The following NRG3 variants were observed in gnomAD, a reference collection of about 807,000 sequenced individuals.
NRG3 encodes neuregulin 3, also known as pro-neuregulin-3, membrane-bound isoform.
In NRG3, 31 loss-of-function variants were observed where a neutral mutation model predicts 66.9. The observed-to-expected ratio is 0.46, with a 90% CI of 0.35 to 0.63. NRG3 has a LOEUF of 0.63. NRG3 is among the 20% of genes least tolerant of loss of function. NRG3 has a pLI of 0.00. For missense variants in NRG3, 910 were observed against 878.9 expected (o/e 1.04, Z -0.45); for synonymous variants, 393 against 359.4 (o/e 1.09, Z -1.06).
chr10:82,452,949 A>T (rs2091088183), intron 2 of NRG3, among the ~76,000 whole-genome samples: 1 of 152,064 alleles, frequency 6.6e-6, no homozygotes, highest in African/African-American at 2.4e-5. Context: ...TCCCACTTAG[A>T]TGCAAGGGGT....
rs151025353 is a variant in NRG3, at chr10:81,932,104, T to A, written c.823+55941T>A. Among the ~76,000 whole-genome samples the A allele has an allele frequency of 3.1e-3, 472 of 151,830 alleles. 10 individuals carry two copies. The highest frequency in any genetic ancestry group is 0.027 in the Admixed American group (412 of 15,222). ...TGTGGAGGTCTCAGGAAGCTAACAGTCATGGTGGAAGGAGGTGAAGCAGGA... is the reference window on the plus strand; with the variant it reads ...TGTGGAGGTCTCAGGAAGCTAACAGACATGGTGGAAGGAGGTGAAGCAGGA... On this transcript the variant is annotated intron_variant, in intron 1 of 8. Transcript: ENST00000372141.
At chr10:82,213,275 A>T (rs529975046) in intron 1 of NRG3, among the ~76,000 whole-genome samples, 1 of 152,322 alleles carries the variant, frequency 6.6e-6, no homozygotes, top group South Asian at 2.1e-4. Context: ...GTAATCTGAA[A>T]ATCTAAATCT....
chr10:81,980,650 A>G (rs1277930735), intron 1 of NRG3, among the ~76,000 whole-genome samples: 1 of 152,172 alleles, frequency 6.6e-6, no homozygotes, highest in Non-Finnish European at 1.5e-5. Context: ...CTCGAGTGCA[A>G]GCTGCTTGTG....
chr10:82,439,565 A>C (rs2090325852), intron 2 of NRG3, among the ~76,000 whole-genome samples: 1 of 152,118 alleles, frequency 6.6e-6, no homozygotes, highest in Non-Finnish European at 1.5e-5. Flanking sequence ...ATATCTGTAG[A>C]GTTTACTTTT....
At chr10:82,819,683 A>C (rs2061862921) in intron 3 of NRG3, among the ~76,000 whole-genome samples, 1 of 152,258 alleles carries the variant, frequency 6.6e-6, no homozygotes, top group Non-Finnish European at 1.5e-5. Flanking sequence ...ACCTAAAGTC[A>C]TTAGTGGTGT....
At chr10:82,223,278 A>G (rs74146520) in intron 1 of NRG3, among the ~76,000 whole-genome samples, 3,863 of 152,236 alleles carry the variant, frequency 0.025, 150 homozygotes, top group African/African-American at 0.088. Context: ...ACATGGATAA[A>G]GCTGAGATAA....
chr10:82,246,958 T>A (rs1171265372), intron 1 of NRG3, among the ~76,000 whole-genome samples: 1 of 152,114 alleles, frequency 6.6e-6, no homozygotes, highest in Non-Finnish European at 1.5e-5. Context: ...AAGTTGCAAC[T>A]GAGAAAACCT....
intron 1 of NRG3, among the ~76,000 whole-genome samples, chr10:82,269,627 C>G (rs953650576): frequency 6.6e-6 from 1 of 152,100 alleles, no homozygotes; most frequent in Admixed American, 6.6e-5. Context: ...CTACTAACTT[C>G]ATCATCTATG....
At chr10:82,958,432 T>C (rs886591973) in intron 5 of NRG3, among the ~76,000 whole-genome samples, 3 of 152,232 alleles carry the variant, frequency 2.0e-5, no homozygotes, top group Admixed American at 6.5e-5. Flanking sequence ...TTTTAATATC[T>C]GGGCTCTTGG....
chr10:81,892,904 G>A (rs937981935), intron 1 of NRG3, among the ~76,000 whole-genome samples: 1 of 152,138 alleles, frequency 6.6e-6, no homozygotes, highest in African/African-American at 2.4e-5. Flanking sequence ...CTCATTCCAT[G>A]ACTGTATCAA....
intron 2 of NRG3, among the ~76,000 whole-genome samples, chr10:82,655,936 C>A (rs1233432753): frequency 6.6e-6 from 1 of 152,058 alleles, no homozygotes. Context: ...CACATATGAC[C>A]TTGTATTAGT....
intron 1 of NRG3, among the ~76,000 whole-genome samples, chr10:82,342,853 CA>C (rs1178994583): frequency 2.6e-5 from 4 of 152,118 alleles, no homozygotes; most frequent in Non-Finnish European, 5.9e-5. Context: ...GGCCAGTGTT[CA>C]GTAAAGTTTT....
rs535445645 is a variant in NRG3 at position 82,798,966 on chromosome 10, G to A, written c.1027+60316G>A. 9.2e-5 allele frequency among the ~76,000 whole-genome samples: 14 copies of A among 152,198 alleles called. No homozygotes were observed. In the South Asian group the frequency reaches 2.7e-3, roughly 29 times the overall value. ...TCACACAGAGGCTCTGCAGGTGACT[G>A]GGAGATACTCAAGGTTCATAGGATA... On this transcript the variant is annotated intron_variant, in intron 3 of 8. Coordinates refer to ENST00000372141, the MANE Select transcript of NRG3 (RefSeq NM_001010848.4).
chr10:82,880,063 A>G (rs1481145069), intron 4 of NRG3, among the ~76,000 whole-genome samples: 1 of 148,954 alleles, frequency 6.7e-6, no homozygotes, highest in African/African-American at 2.5e-5. Flanking sequence ...GCTTTCAAGC[A>G]CTCACCAGTT....
chr10:82,005,739 C>T (rs1338623168), intron 1 of NRG3, among the ~76,000 whole-genome samples: 1 of 152,152 alleles, frequency 6.6e-6, no homozygotes, highest in Non-Finnish European at 1.5e-5. Context: ...CTCTGAGTGA[C>T]ACTTAGAGTT....
chr10:82,173,934 C>T (rs748648605), intron 1 of NRG3, among the ~76,000 whole-genome samples: 2 of 152,068 alleles, frequency 1.3e-5, no homozygotes, highest in African/African-American at 4.8e-5. Context: ...ACTCCTCCTT[C>T]GTCCGTTATA....
chr10:82,411,162 T>G (rs1163549391), intron 2 of NRG3, among the ~76,000 whole-genome samples: 1 of 152,066 alleles, frequency 6.6e-6, no homozygotes, highest in African/African-American at 2.4e-5. Context: ...GTGATCTACC[T>G]GCTTCAGCTT....
At chr10:82,742,409 A>G (rs981557005) in intron 3 of NRG3, among the ~76,000 whole-genome samples, 6 of 152,042 alleles carry the variant, frequency 3.9e-5, no homozygotes, top group Admixed American at 1.3e-4. Context: ...AATCCCAAGA[A>G]CCTATAGCTA....
chr10:82,057,760 CA>C (rs1416199444), intron 1 of NRG3, among the ~76,000 whole-genome samples: 2 of 152,096 alleles, frequency 1.3e-5, no homozygotes, highest in African/African-American at 4.8e-5. Flanking sequence ...TACTTTAGGC[CA>C]AAGCTAGGAC....
Sources: gnomAD v4.1 joint callset for allele counts (sites outside exome capture counted in the v4.1 genomes callset) on GRCh38, gnomAD v4.1.1 for gene constraint, MANE v1.5 for transcripts, NCBI Gene and HGNC (gene_info 2026-07-23, HGNC 2026-07-21) for gene names.